VPS13B: variants seen among roughly 807,000 people sequenced by gnomAD.
VPS13B encodes vacuolar protein sorting 13 homolog B.
VPS13B carries 285 observed loss-of-function variants against 426.4 expected under a neutral mutation model. The ratio of observed to expected loss-of-function variants is 0.67; its 90% CI spans 0.61 to 0.74. The LOEUF is 0.74. VPS13B is among the 30% of genes least tolerant of loss of function. The pLI, the probability that VPS13B is intolerant of heterozygous loss-of-function variation, is 0.00. For missense variants in VPS13B, 4,537 were observed against 4,782.6 expected (o/e 0.95, Z 1.51); for synonymous variants, 1,676 against 1,676.4 (o/e 1.00, Z 0.01).
At chr8:99,014,884 C>G (rs1025564196) in intron 2 of VPS13B, among the ~76,000 whole-genome samples, 2 of 152,022 alleles carry the variant, frequency 1.3e-5, no homozygotes, top group African/African-American at 4.8e-5. Flanking sequence ...ATCACATATT[C>G]ATTAATTCAT....
intron 25 of VPS13B, among the ~76,000 whole-genome samples, chr8:99,496,254 G>A (rs1011161624): frequency 6.6e-6 from 1 of 152,152 alleles, no homozygotes; most frequent in South Asian, 2.1e-4. Flanking sequence ...AATTTTTGTT[G>A]AGGTCAGTGG....
intron 29 of VPS13B, among the ~76,000 whole-genome samples, chr8:99,517,483 T>C (rs1382161576): frequency 4.6e-5 from 7 of 152,188 alleles, no homozygotes; most frequent in Non-Finnish European, 7.4e-5. Context: ...TAAGACTCTT[T>C]AATCATATCT....
chr8:99,660,498 G>A (rs1830181030), intron 34 of VPS13B, among the ~76,000 whole-genome samples: 1 of 152,026 alleles, frequency 6.6e-6, no homozygotes, highest in African/African-American at 2.4e-5. Flanking sequence ...AAAACACAGA[G>A]AGTAAAACAA....
chr8:99,822,315 A>T (rs774969321), intron 50 of VPS13B, among the ~76,000 whole-genome samples: 2 of 152,182 alleles, frequency 1.3e-5, no homozygotes, highest in African/African-American at 2.4e-5. Context: ...TCATTTGGTG[A>T]CTTTTTAAAA....
intron 23 of VPS13B, among the ~76,000 whole-genome samples, chr8:99,443,897 T>C (rs532014063): frequency 6.6e-5 from 10 of 152,318 alleles, no homozygotes; most frequent in African/African-American, 1.9e-4. Flanking sequence ...TGCCAGACTG[T>C]CATCCAAACT....
intron 21 of VPS13B, among the ~76,000 whole-genome samples, chr8:99,409,125 G>A (rs1815485812): frequency 6.6e-6 from 1 of 152,112 alleles, no homozygotes; most frequent in African/African-American, 2.4e-5. Context: ...GATCCTTAGG[G>A]CCTCAGATTC....
intron 33 of VPS13B, among the ~76,000 whole-genome samples, chr8:99,590,891 C>T (rs564770613): frequency 1.3e-5 from 2 of 151,860 alleles, no homozygotes; most frequent in Non-Finnish European, 2.9e-5. Context: ...TGGATATCCT[C>T]GTTAACCTTC....
chr8:99,859,711 T>C (rs1816733991), intron 57 of VPS13B, among the ~76,000 whole-genome samples: 1 of 152,212 alleles, frequency 6.6e-6, no homozygotes, highest in Non-Finnish European at 1.5e-5. Flanking sequence ...TTCAGAATTT[T>C]AAGCCTCCCA....
chr8:99,436,985 C>T (rs867037009), intron 22 of VPS13B, among the ~76,000 whole-genome samples: 29 of 152,112 alleles, frequency 1.9e-4, no homozygotes, highest in Non-Finnish European at 2.8e-4. Flanking sequence ...GTGATCCACC[C>T]GCCTCGGCCT....
intron 33 of VPS13B, among the ~76,000 whole-genome samples, chr8:99,636,198 T>C (rs1829061051): frequency 6.6e-6 from 1 of 152,026 alleles, no homozygotes; most frequent in East Asian, 1.9e-4. Flanking sequence ...TTTAAAGCTG[T>C]TATCTCTGCA....
intron 43 of VPS13B, among the ~76,000 whole-genome samples, chr8:99,801,883 T>G (rs971705773): frequency 8.5e-5 from 13 of 152,152 alleles, no homozygotes; most frequent in Admixed American, 6.5e-5. Context: ...GGTACAGTGG[T>G]GCATGTCTGC....
intron 19 of VPS13B, chr8:99,340,645 T>G (rs1811190034): frequency 2.4e-6 from 1 of 416,576 alleles, no homozygotes. Flanking sequence ...ATGCAGCACT[T>G]TCTTCCTTGC....
intron 19 of VPS13B, among the ~76,000 whole-genome samples, chr8:99,360,796 A>G (rs1231511871): frequency 6.6e-6 from 1 of 152,222 alleles, no homozygotes; most frequent in Non-Finnish European, 1.5e-5. Flanking sequence ...GAAGATAATT[A>G]TGATATGTAA....
chr8:99,132,957 G>C (rs1022543637), intron 8 of VPS13B, among the ~76,000 whole-genome samples: 3 of 152,150 alleles, frequency 2.0e-5, no homozygotes, highest in African/African-American at 7.2e-5. Flanking sequence ...AGGGCCCTAG[G>C]ATTTTCAGAA....
intron 30 of VPS13B, among the ~76,000 whole-genome samples, chr8:99,538,963 GGA>G (rs1823406577): frequency 1.3e-5 from 2 of 152,128 alleles, no homozygotes; most frequent in Admixed American, 6.5e-5. Context: ...AGATTATAAA[GGA>G]AGAACTCACA....
In VPS13B at chr8:99,853,481, G is replaced by A; in HGVS notation, c.10092G>A (p.Met3364Ile). ...RAPEKIVTFK[M>I]FITQLSLAVF... ...CAGAGAAGATTGTTACATTTAAAAT[G>A]TTCATCACTCAGTTAAGCCTGGCAG... The change falls in exon 56 of 62, where the codon ATG (methionine) becomes ATA (isoleucine). Residue 3364 changes from methionine (M) to isoleucine (I), a missense_variant. Physicochemically the swap from Met to Ile is conservative, Grantham distance 10. Around this residue, in one of 2 missense-constraint regions of VPS13B, gnomAD observed 4,311 missense variants for 4,474.3 expected, o/e 0.96. Transcript: ENST00000357162. 6.2e-7 allele frequency: 1 copy of A among 1,614,200 alleles called. No homozygotes were observed. The highest frequency in any genetic ancestry group is 1.3e-5 in the African/African-American group (1 of 75,046).
chr8:99,599,776 A>C (rs1189541545), intron 33 of VPS13B, among the ~76,000 whole-genome samples: 1 of 152,144 alleles, frequency 6.6e-6, no homozygotes, highest in Non-Finnish European at 1.5e-5. Context: ...GAGGAATAAA[A>C]AATAAACACC....
At chr8:99,067,176 A>C (rs1160564890) in intron 3 of VPS13B, among the ~76,000 whole-genome samples, 1 of 152,214 alleles carries the variant, frequency 6.6e-6, no homozygotes, top group Non-Finnish European at 1.5e-5. Context: ...TCATGCTGCT[A>C]TAAAGACACA....
At position 99,391,619 on chromosome 8, in the gene VPS13B, T is replaced by C; in HGVS notation, c.2997T>C (p.Ser999=). The change falls in exon 21 of 62, where the codon TCT becomes TCC. Residue 999 remains serine, a synonymous_variant. Transcript: ENST00000357162. ...GTAGAAGGAAAGAGGATGAGGTGTC[T>C]ATTGGAAGTGCCCCCTTGGCAAAGC... ...PVCRRKEDEV[S]IGSAPLAKQQ... The C allele has an allele frequency of 6.2e-7, 1 of 1,614,158 alleles. No homozygotes were observed.
Sources: allele counts gnomAD v4.1 joint callset (sites outside exome capture counted in the v4.1 genomes callset), GRCh38; gene constraint gnomAD v4.1.1; regional missense constraint gnomAD v4.1.1; transcripts MANE v1.5; gene names NCBI Gene and HGNC (gene_info 2026-07-23, HGNC 2026-07-21).